The following CELF2 variants were observed in gnomAD, a reference collection of about 807,000 sequenced individuals.
CELF2 encodes the protein CUG triplet repeat RNA-binding protein 2.
CELF2 carries 8 observed loss-of-function variants against 62.6 expected under a neutral mutation model. The ratio of observed to expected loss-of-function variants is 0.13; its 90% CI spans 0.07 to 0.23. The LOEUF is 0.23. Ranked by LOEUF, CELF2 falls within the 10% of genes least tolerant of loss-of-function variation. The pLI is 1.00. For missense variants in CELF2, 333 were observed against 671.0 expected, an observed-to-expected ratio of 0.50 and a Z score of 5.56; for synonymous variants, 258 against 250.0, an observed-to-expected ratio of 1.03 and a Z score of -0.30.
At chr10:10,948,995 C>G (rs1027241887) in intron 2 of CELF2, among the ~76,000 whole-genome samples, 2 of 152,084 alleles carry the variant, frequency 1.3e-5, no homozygotes, top group Non-Finnish European at 2.9e-5. Context: ...ACTGCCTGGA[C>G]CTAGGTTCCC....
rs183643456 is a variant in CELF2, at chr10:10,976,946, G to A, written c.89+56947G>A. On this transcript the variant is annotated intron_variant, in intron 2 of 13. Transcript: ENST00000636488. ...AAACGGCTCAAGCACAGACTTTTCT[G>A]CTGTCCCCATCACTGACTTATTTTT... 9.5e-4 allele frequency among the ~76,000 whole-genome samples: 145 copies of A among 152,218 alleles called. 1 individual carries two copies. Among genetic ancestry groups the A allele is most frequent in the Middle Eastern group, 3.4e-3 (1 of 294 alleles).
the CELF2 span, among the ~76,000 whole-genome samples, chr10:10,565,753 C>T: frequency 6.6e-6 from 1 of 152,146 alleles, no homozygotes; most frequent in Admixed American, 6.5e-5. Flanking sequence ...TTACTTCAGC[C>T]TGAGAGCCTA....
the CELF2 span, among the ~76,000 whole-genome samples, chr10:10,774,804 G>A: frequency 1.9e-3 from 295 of 152,246 alleles, 1 homozygote; most frequent in African/African-American, 6.7e-3. Context: ...GGCACTGGTG[G>A]CATTTTCTCT....
At chr10:10,514,789 C>G in the CELF2 span, among the ~76,000 whole-genome samples, 1 of 152,112 alleles carries the variant, frequency 6.6e-6, no homozygotes, top group African/African-American at 2.4e-5. Context: ...AATGAATAGC[C>G]AGAGATTGTT....
the CELF2 span, among the ~76,000 whole-genome samples, chr10:10,551,740 G>GT: frequency 2.6e-5 from 4 of 152,062 alleles, no homozygotes; most frequent in Non-Finnish European, 5.9e-5. Context: ...TCCGCTTAAT[G>GT]TATCTCCTAT....
At chr10:10,669,640 T>G in the CELF2 span, among the ~76,000 whole-genome samples, 1 of 152,244 alleles carries the variant, frequency 6.6e-6, no homozygotes, top group African/African-American at 2.4e-5. Context: ...GTCTATCATC[T>G]GCTATCACTC....
chr10:10,509,921 A>G, the CELF2 span, among the ~76,000 whole-genome samples: 1 of 152,220 alleles, frequency 6.6e-6, no homozygotes, highest in Admixed American at 6.5e-5. Flanking sequence ...TGGAGGGGCC[A>G]CCAGTGACCC....
At chr10:10,561,274 C>T in the CELF2 span, among the ~76,000 whole-genome samples, 9 of 152,176 alleles carry the variant, frequency 5.9e-5, no homozygotes, top group Non-Finnish European at 1.3e-4. Context: ...TCCAGCCACA[C>T]TCTGACCCAA....
intron 1 of CELF2, among the ~76,000 whole-genome samples, chr10:11,163,869 T>C (rs2066319154): frequency 6.6e-6 from 1 of 152,190 alleles, no homozygotes; most frequent in Non-Finnish European, 1.5e-5. Context: ...TATCTTGTTT[T>C]TAGGGGCTTA....
intron 1 of CELF2, among the ~76,000 whole-genome samples, chr10:11,099,884 CAA>C (rs869282674): frequency 8.0e-4 from 75 of 93,494 alleles, no homozygotes; most frequent in African/African-American, 3.5e-3. Flanking sequence ...ACAACAACAA[CAA>C]AAAAAAAAAA....
At chr10:10,722,562 C>G in the CELF2 span, among the ~76,000 whole-genome samples, 2 of 152,148 alleles carry the variant, frequency 1.3e-5, no homozygotes, top group Admixed American at 6.5e-5. Flanking sequence ...AACTCTTTGA[C>G]TGAGAGCCAA....
At chr10:11,054,822 C>T (rs1049251661) in intron 1 of CELF2, among the ~76,000 whole-genome samples, 2 of 152,184 alleles carry the variant, frequency 1.3e-5, no homozygotes, top group Admixed American at 1.3e-4. Context: ...TCAAGTGATG[C>T]TCCTGCCTCA....
chr10:11,046,512 T>A lies in CELF2; in HGVS notation c.74+28349T>A, dbSNP rs750915966. On this transcript the variant is annotated intron_variant, in intron 1 of 12. Transcript: ENST00000633077. The surrounding 1 kb of genome is among the most constrained non-coding windows in gnomAD (Gnocchi z 4.6). Reference sequence around the variant, plus strand: ...CATTAGGCGCACTGCCTGATTCTCATTAAGACTGTCCTGATTTCTTTTATG... The same window carrying A: ...CATTAGGCGCACTGCCTGATTCTCAATAAGACTGTCCTGATTTCTTTTATG... Among the ~76,000 whole-genome samples, 2 of 152,238 alleles carry A rather than the reference T, an allele frequency of 1.3e-5. No homozygotes were observed. Among genetic ancestry groups the A allele is most frequent in the Non-Finnish European group, 2.9e-5 (2 of 68,040 alleles).
chr10:10,557,433 G>A, the CELF2 span, among the ~76,000 whole-genome samples: 4 of 143,546 alleles, frequency 2.8e-5, no homozygotes, highest in Admixed American at 6.8e-5. Flanking sequence ...TTTGGTTACT[G>A]TAGCCTTGCA....
the CELF2 span, among the ~76,000 whole-genome samples, chr10:10,602,817 G>A: frequency 6.6e-6 from 1 of 152,088 alleles, no homozygotes; most frequent in African/African-American, 2.4e-5. Context: ...GAGAGCAACA[G>A]GAGCCGGTCT....
intron 2 of CELF2, among the ~76,000 whole-genome samples, chr10:11,168,649 C>G (rs1043768695): frequency 1.3e-5 from 2 of 152,112 alleles, no homozygotes; most frequent in Non-Finnish European, 2.9e-5. Context: ...TTTGGAGAGG[C>G]CTTGATTCAT....
intron 2 of CELF2, among the ~76,000 whole-genome samples, chr10:10,981,191 C>A (rs1369911840): frequency 6.6e-6 from 1 of 152,130 alleles, no homozygotes. Context: ...ACTTGGATTC[C>A]ACTTCGTTAT....
chr10:10,700,271 G>A, the CELF2 span, among the ~76,000 whole-genome samples: 1 of 152,160 alleles, frequency 6.6e-6, no homozygotes, highest in African/African-American at 2.4e-5. Context: ...CAGGGAAGAG[G>A]GAAAAGAAGA....
At chr10:10,792,487 GA>G in the CELF2 span, 1 of 398,282 alleles carries the variant, frequency 2.5e-6, no homozygotes, top group East Asian at 3.6e-5. Context: ...GGCTTTCCTT[GA>G]AAACTCAGAT....
Sources: gnomAD v4.1 joint callset for allele counts (sites outside exome capture counted in the v4.1 genomes callset) on GRCh38, gnomAD v4.1.1 for gene constraint, Gnocchi (gnomAD v3.1) non-coding constraint, MANE v1.5 for transcripts, NCBI Gene and HGNC (gene_info 2026-07-23, HGNC 2026-07-21) for gene names.